The following CNTN5 variants were observed in gnomAD, a reference collection of about 807,000 sequenced individuals.
The protein encoded by CNTN5 is contactin-5.
A neutral mutation model predicts 129.1 loss-of-function variants in CNTN5; 77 were observed. The ratio of observed to expected loss-of-function variants is 0.60; its 90% confidence interval spans 0.50 to 0.72. The LOEUF (loss-of-function observed/expected upper bound fraction) is 0.72. CNTN5 is among the 30% of genes least tolerant of loss of function. The pLI is 0.00. For synonymous variants in CNTN5, 509 were observed against 465.6 expected (o/e 1.09, Z -1.20); for missense variants, 1,478 against 1,328.8 (o/e 1.11, Z -1.75).
chr11:99,560,432 C>A (rs1948805348), intron 3 of CNTN5, among the ~76,000 whole-genome samples: 1 of 151,920 alleles, frequency 6.6e-6, no homozygotes, highest in African/African-American at 2.4e-5. Flanking sequence ...GCTGGGATTA[C>A]AGATGTGTGC....
At chr11:99,534,752 C>T (rs554859060) in intron 2 of CNTN5, among the ~76,000 whole-genome samples, 105 of 152,144 alleles carry the variant, frequency 6.9e-4, no homozygotes, top group African/African-American at 2.4e-3. Flanking sequence ...GATGGGATTA[C>T]CATTCTACAG....
At chr11:99,191,224 C>G (rs1462344428) in intron 1 of CNTN5, among the ~76,000 whole-genome samples, 1 of 151,626 alleles carries the variant, frequency 6.6e-6, no homozygotes, top group South Asian at 2.1e-4. Context: ...TTTAAATGTA[C>G]TGTTAAATTC....
chr11:99,710,880 A>G (rs660867), intron 3 of CNTN5, among the ~76,000 whole-genome samples: 26,955 of 151,844 alleles, frequency 0.18, 2,998 homozygotes, highest in Middle Eastern at 0.34. Context: ...ACTAAAACAT[A>G]TTTAGAACAT....
intron 3 of CNTN5, among the ~76,000 whole-genome samples, chr11:99,596,986 A>G (rs899616057): frequency 1.3e-5 from 2 of 152,170 alleles, no homozygotes; most frequent in Non-Finnish European, 2.9e-5. Context: ...AGCAAGAAAA[A>G]TGATCAGCAC....
At chr11:99,026,257 TG>T (rs1216760912) in intron 1 of CNTN5, among the ~76,000 whole-genome samples, 1 of 151,656 alleles carries the variant, frequency 6.6e-6, no homozygotes, top group Non-Finnish European at 1.5e-5. Flanking sequence ...TGTTAGGTAT[TG>T]TATTTTGCCT....
At chr11:99,184,683 G>T (rs1176600173) in intron 1 of CNTN5, among the ~76,000 whole-genome samples, 2 of 151,964 alleles carry the variant, frequency 1.3e-5, no homozygotes, top group Non-Finnish European at 2.9e-5. Context: ...ATTTAAAATG[G>T]CACACTGCCA....
At chr11:100,061,933 C>T (rs923355053) in intron 10 of CNTN5, among the ~76,000 whole-genome samples, 3 of 152,164 alleles carry the variant, frequency 2.0e-5, no homozygotes, top group African/African-American at 7.2e-5. Context: ...AGTTTGCTGA[C>T]CTGTGGCCTA....
At chr11:99,630,968 C>A (rs1951326528) in intron 3 of CNTN5, among the ~76,000 whole-genome samples, 1 of 152,136 alleles carries the variant, frequency 6.6e-6, no homozygotes, top group Non-Finnish European at 1.5e-5. Flanking sequence ...TCTATTAAAT[C>A]TAAAGGCGTT....
At chr11:99,521,525 A>G (rs796736496) in intron 2 of CNTN5, among the ~76,000 whole-genome samples, 2 of 152,332 alleles carry the variant, frequency 1.3e-5, no homozygotes, top group African/African-American at 4.8e-5. Context: ...ACTAGGTACA[A>G]ATTTCAATTG....
intron 3 of CNTN5, among the ~76,000 whole-genome samples, chr11:99,727,701 C>T (rs1326817941): frequency 1.3e-5 from 2 of 152,088 alleles, no homozygotes; most frequent in Non-Finnish European, 2.9e-5. Flanking sequence ...TATATGGGTT[C>T]ACTGATATTG....
chr11:100,269,335 G>T (rs1394221232), intron 17 of CNTN5, among the ~76,000 whole-genome samples: 2 of 152,102 alleles, frequency 1.3e-5, no homozygotes, highest in Non-Finnish European at 2.9e-5. Flanking sequence ...GAGAATGGAA[G>T]AAAAATAATT....
chr11:99,777,524 A>G (rs550704385), intron 3 of CNTN5, among the ~76,000 whole-genome samples: 12 of 151,990 alleles, frequency 7.9e-5, no homozygotes, highest in Admixed American at 2.0e-4. Flanking sequence ...CTTTTCCACT[A>G]TAAAAACTAA....
In CNTN5 at chr11:99,562,766, G is replaced by A. The variant is rs190119116; in HGVS notation, c.55+6497G>A. On this transcript the variant is annotated intron_variant, in intron 3 of 24. Transcript: ENST00000524871. The stretch of plus-strand genomic sequence containing the variant: ...AAATGGTTTCTTACCTTGCTTATAG[G>A]TGTAGATGATCTTGCCATTTACCTG... Among the ~76,000 whole-genome samples, 134 of 152,246 alleles carry A rather than the reference G, an allele frequency of 8.8e-4. 2 individuals carry two copies. Among genetic ancestry groups the A allele is most frequent in the Admixed American group, 8.3e-3 (127 of 15,282 alleles).
At chr11:99,971,175 A>T (rs1327169881) in intron 8 of CNTN5, among the ~76,000 whole-genome samples, 2 of 152,152 alleles carry the variant, frequency 1.3e-5, no homozygotes, top group African/African-American at 2.4e-5. Context: ...TACCAGCTTG[A>T]CATTTCACTC....
At chr11:99,361,934 A>G (rs1257588785) in intron 2 of CNTN5, among the ~76,000 whole-genome samples, 1 of 152,120 alleles carries the variant, frequency 6.6e-6, no homozygotes, top group Non-Finnish European at 1.5e-5. Context: ...TATTATGAAT[A>G]ACACTGCTGT....
At chr11:100,153,513 T>C (rs570123262) in intron 13 of CNTN5, among the ~76,000 whole-genome samples, 6 of 152,144 alleles carry the variant, frequency 3.9e-5, no homozygotes, top group Admixed American at 6.6e-5. Flanking sequence ...AGATTTGTTT[T>C]GATGTACTTC....
chr11:99,308,424 G>T (rs893828568), intron 1 of CNTN5, among the ~76,000 whole-genome samples: 2 of 152,108 alleles, frequency 1.3e-5, no homozygotes, highest in African/African-American at 4.8e-5. Flanking sequence ...CAGAGCTTGG[G>T]ACTACTGTAT....
intron 9 of CNTN5, among the ~76,000 whole-genome samples, chr11:100,028,226 CA>C (rs1941526402): frequency 6.6e-6 from 1 of 152,008 alleles, no homozygotes; most frequent in Non-Finnish European, 1.5e-5. Flanking sequence ...ATAAAATTCA[CA>C]AGGACTATAA....
intron 9 of CNTN5, among the ~76,000 whole-genome samples, chr11:100,043,909 A>G (rs1429621485): frequency 6.6e-6 from 1 of 152,106 alleles, no homozygotes; most frequent in Non-Finnish European, 1.5e-5. Context: ...TTTTATATAA[A>G]TTCAAGGGGT....
Sources: allele counts gnomAD v4.1 joint callset (sites outside exome capture counted in the v4.1 genomes callset), GRCh38; gene constraint gnomAD v4.1.1; transcripts MANE v1.5; gene names NCBI Gene and HGNC (gene_info 2026-07-23, HGNC 2026-07-21).